TPRG1: variants seen among roughly 807,000 people sequenced by gnomAD.
The protein encoded by TPRG1 is tumor protein p63-regulated gene 1 protein.
A neutral mutation model predicts 29.3 loss-of-function variants in TPRG1; 29 were observed. That is an observed-to-expected ratio of 0.99 (90% CI 0.74 to 1.35). The LOEUF is 1.35. Among genes scored for constraint, TPRG1 ranks in the 40% most tolerant of loss-of-function variants. The probability of loss-of-function intolerance (pLI) is 0.00; values close to 1 mark genes in which losing one functional copy is unlikely to be tolerated. For synonymous variants in TPRG1, 130 were observed against 116.8 expected, an observed-to-expected ratio of 1.11 and a Z score of -0.73; for missense variants, 327 against 335.0, an observed-to-expected ratio of 0.98 and a Z score of 0.19.
chr3:189,095,903 G>C (rs1718645080), upstream of TPRG1, among the ~76,000 whole-genome samples: 1 of 152,194 alleles, frequency 6.6e-6, no homozygotes, highest in Non-Finnish European at 1.5e-5. Context: ...GAGACCTTGG[G>C]AGAGGAGAGG....
chr3:189,121,030 A>G lies in TPRG1; in HGVS notation c.-743-6027A>G, dbSNP rs576888681. On this transcript the variant is annotated intron_variant, in intron 1 of 6. Transcript: ENST00000412373. Reference sequence around the variant, plus strand: ...TGACGCAGTACTACATTGAGCAAAAATCTTCTGTCCCAGAATGTGGTAGGT... The same window carrying G: ...TGACGCAGTACTACATTGAGCAAAAGTCTTCTGTCCCAGAATGTGGTAGGT... Among the ~76,000 whole-genome samples, 5 of 152,360 alleles carry G rather than the reference A, an allele frequency of 3.3e-5. No homozygotes were observed. In the South Asian group the frequency reaches 6.2e-4, roughly 19 times the overall value.
intron 5 of TPRG1, among the ~76,000 whole-genome samples, chr3:189,157,914 T>C (rs1259936203): frequency 6.6e-6 from 1 of 152,196 alleles, no homozygotes; most frequent in Non-Finnish European, 1.5e-5. Context: ...TGCTGAGTAT[T>C]ATACAATGTA....
At chr3:189,235,139 A>G (rs138727927) in intron 3 of TPRG1, among the ~76,000 whole-genome samples, 11 of 151,772 alleles carry the variant, frequency 7.2e-5, no homozygotes, top group African/African-American at 2.7e-4. Flanking sequence ...GACCAGGGTA[A>G]GGTTTTTGTA....
Position 189,324,262 on chromosome 3 carries a change from A to C in TPRG1, c.*3442A>C, listed in dbSNP as rs1724543792. 6.6e-6 allele frequency: 1 copy of C among 152,172 alleles called. No homozygotes were observed. The allele number at this position is 152,172 out of a possible 1,614,324, so 9.4% of individuals were successfully genotyped here. ...CAATTCAGTGCTTTTATTTCACAGA[A>C]AATGAAGCAAAGGCCTAGAAACTAG... On this transcript the variant is annotated 3_prime_UTR_variant, in exon 6 of 6. Coordinates refer to ENST00000345063, the MANE Select transcript of TPRG1 (RefSeq NM_198485.4).
intron 4 of TPRG1, among the ~76,000 whole-genome samples, chr3:189,025,163 C>T (rs560884246): frequency 3.9e-5 from 6 of 152,268 alleles, no homozygotes; most frequent in African/African-American, 1.4e-4. Context: ...TGCCTGAGCA[C>T]CGGTTCTTCC....
At chr3:189,153,234 G>T (rs897576051) in intron 5 of TPRG1, among the ~76,000 whole-genome samples, 1 of 152,144 alleles carries the variant, frequency 6.6e-6, no homozygotes, top group Non-Finnish European at 1.5e-5. Flanking sequence ...TTTAAATAAA[G>T]ATTTTATTTT....
chr3:189,112,277 G>A (rs905466718), intron 1 of TPRG1, among the ~76,000 whole-genome samples: 3 of 152,116 alleles, frequency 2.0e-5, no homozygotes, highest in African/African-American at 7.2e-5. Flanking sequence ...TCTTGGCATG[G>A]TTTTGGCATG....
chr3:189,311,468 A>AAT (rs959493027), intron 5 of TPRG1, among the ~76,000 whole-genome samples: 12 of 152,188 alleles, frequency 7.9e-5, no homozygotes, highest in Non-Finnish European at 1.8e-4. Flanking sequence ...TGCAAGTGTA[A>AAT]ATATATATGT....
chr3:189,272,358 G>A (rs1365344830), intron 4 of TPRG1, among the ~76,000 whole-genome samples: 8 of 152,200 alleles, frequency 5.3e-5, no homozygotes, highest in Non-Finnish European at 2.9e-5. Context: ...AGGACTGGCT[G>A]TGTGATTCTA....
chr3:189,060,856 A>G (rs1185914457), intron 4 of TPRG1, among the ~76,000 whole-genome samples: 1 of 152,222 alleles, frequency 6.6e-6, no homozygotes, highest in East Asian at 1.9e-4. Flanking sequence ...TACCATGAAA[A>G]TGGCCATACT....
At chr3:189,180,491 C>G (rs1730064970) in intron 1 of TPRG1, among the ~76,000 whole-genome samples, 1 of 152,014 alleles carries the variant, frequency 6.6e-6, no homozygotes, top group East Asian at 1.9e-4. Flanking sequence ...AGAAATTGGC[C>G]AAAACAAGAG....
intron 1 of TPRG1, among the ~76,000 whole-genome samples, chr3:189,110,759 A>G (rs1008960649): frequency 6.6e-6 from 1 of 151,852 alleles, no homozygotes; most frequent in Non-Finnish European, 1.5e-5. Context: ...GTATCTAGGT[A>G]TTTTGTTTTG....
At chr3:189,234,337 T>C (rs1739120339) in intron 3 of TPRG1, among the ~76,000 whole-genome samples, 1 of 152,176 alleles carries the variant, frequency 6.6e-6, no homozygotes, top group Admixed American at 6.5e-5. Context: ...GTGTTTATGG[T>C]CAGAAAAAGT....
At chr3:189,110,754 T>C (rs1353868646) in intron 1 of TPRG1, among the ~76,000 whole-genome samples, 19 of 151,994 alleles carry the variant, frequency 1.3e-4, no homozygotes, top group Admixed American at 1.2e-3. Context: ...AGTCTGTATC[T>C]AGGTATTTTG....
chr3:189,310,643 A>T (rs2109313826), intron 5 of TPRG1, 104 bp downstream of exon 5: 1 of 462,410 alleles, frequency 2.2e-6, no homozygotes, highest in East Asian at 4.7e-5. Context: ...ATAAAATAAA[A>T]TAAAATAAAA....
At chr3:189,195,142 G>A (rs1037802875) in intron 1 of TPRG1, among the ~76,000 whole-genome samples, 2 of 152,090 alleles carry the variant, frequency 1.3e-5, no homozygotes, top group African/African-American at 4.8e-5. Flanking sequence ...AGGGTATGGT[G>A]ACTGTTCTGG....
intron 2 of TPRG1, among the ~76,000 whole-genome samples, chr3:189,127,966 GTCCCAAGAGGTGGGC>G (rs1278172906): frequency 1.3e-5 from 2 of 152,084 alleles, no homozygotes; most frequent in Admixed American, 1.3e-4. Context: ...CTCACTACAG[GTCCCAAGAGGTGGGC>G]TCCTACTTTA....
intron 2 of TPRG1, among the ~76,000 whole-genome samples, chr3:189,129,312 T>C (rs1039551503): frequency 3.3e-5 from 5 of 152,160 alleles, no homozygotes; most frequent in African/African-American, 7.2e-5. Flanking sequence ...GTTTTTCTGA[T>C]CTTTTCTTGG....
intron 3 of TPRG1, among the ~76,000 whole-genome samples, chr3:189,136,332 T>A (rs554051269): frequency 1.3e-5 from 2 of 152,194 alleles, no homozygotes; most frequent in East Asian, 3.9e-4. Context: ...AGGGGACTTC[T>A]GGGGGTGGAG....
Sources: allele counts gnomAD v4.1 joint callset (sites outside exome capture counted in the v4.1 genomes callset), GRCh38; gene constraint gnomAD v4.1.1; transcripts MANE v1.5; gene names NCBI Gene and HGNC (gene_info 2026-07-23, HGNC 2026-07-21).